The following GABRG3 variants were observed in gnomAD, a reference collection of about 807,000 sequenced individuals.
GABRG3 encodes the protein gamma-aminobutyric acid receptor subunit gamma-3.
In GABRG3, 25 loss-of-function variants were observed where a neutral mutation model predicts 48.8. The ratio of observed to expected loss-of-function variants is 0.51; its 90% CI spans 0.37 to 0.72. The LOEUF (loss-of-function observed/expected upper bound fraction) is 0.72, where lower values mean the gene tolerates loss of function less well. Ranked by LOEUF, GABRG3 falls within the 30% of genes least tolerant of loss-of-function variation. The pLI is 0.00. For synonymous variants in GABRG3, 227 were observed against 217.6 expected, an observed-to-expected ratio of 1.04 and a Z score of -0.38; for missense variants, 394 against 577.9, an observed-to-expected ratio of 0.68 and a Z score of 3.26.
rs778222775 is a variant in GABRG3, at chr15:27,132,471, G to GGTTTTTTTTTTTT, written c.270+105650_270+105651insGTTTTTTTTTTTT. 7.6e-5 allele frequency among the ~76,000 whole-genome samples: 3 copies of GGTTTTTTTTTTTT among 39,596 alleles called. 1 individual carries two copies. The highest frequency in any genetic ancestry group is 8.8e-5 in the African/African-American group (1 of 11,314). The allele number at this position is 39,596 out of a possible 152,430, so 26.0% of individuals were successfully genotyped here. Reference sequence around the variant, plus strand: ...TGATTCAATCTTCCCAGTAGTTACAGTTTTTTTTTTTTTTTTTTTTTTTTT... The same window carrying GGTTTTTTTTTTTT: ...TGATTCAATCTTCCCAGTAGTTACAGGTTTTTTTTTTTTTTTTTTTTTTTTTTTTTTTTTTTTT... On this transcript the variant is annotated intron_variant, in intron 3 of 9. Coordinates refer to ENST00000615808, the MANE Select transcript of GABRG3 (RefSeq NM_033223.5).
At chr15:27,345,338 C>T (rs933271329) in intron 5 of GABRG3, among the ~76,000 whole-genome samples, 3 of 152,134 alleles carry the variant, frequency 2.0e-5, no homozygotes, top group Non-Finnish European at 4.4e-5. Flanking sequence ...TCTCTCTTTG[C>T]ACATCAGTTG....
rs772731254 is a variant in GABRG3 at position 27,328,908 on chromosome 15, CG to C, written c.574+24del. The C allele has an allele frequency of 1.9e-6, 3 of 1,605,092 alleles. No individual in the cohort carries two copies. The highest frequency in any genetic ancestry group is 2.6e-6 in the Non-Finnish European group (3 of 1,171,966). On this transcript the variant is annotated intron_variant, in intron 5 of 9. Coordinates refer to ENST00000615808, the MANE Select transcript of GABRG3 (RefSeq NM_033223.5). ...CCAGCTGTGAGTACCAGTCCAAGCCCGGGGTGTGCATGCTGTGTGAGGGATG... is the reference window on the plus strand; with the variant it reads ...CCAGCTGTGAGTACCAGTCCAAGCCCGGGTGTGCATGCTGTGTGAGGGATG...
At chr15:26,987,363 T>C (rs1285382794) in intron 2 of GABRG3, among the ~76,000 whole-genome samples, 2 of 152,256 alleles carry the variant, frequency 1.3e-5, no homozygotes, top group East Asian at 1.9e-4. Context: ...TTGCCTTACA[T>C]TGAACTTTCA....
intron 4 of GABRG3, among the ~76,000 whole-genome samples, chr15:27,327,311 C>A (rs1893649355): frequency 6.6e-6 from 1 of 152,158 alleles, no homozygotes; most frequent in African/African-American, 2.4e-5. Flanking sequence ...GTCCTCTCCC[C>A]TAGGAAAATA....
chr15:27,136,679 A>C (rs897972645), intron 3 of GABRG3, among the ~76,000 whole-genome samples: 1 of 152,114 alleles, frequency 6.6e-6, no homozygotes, highest in African/African-American at 2.4e-5. Context: ...AAAAAATAGC[A>C]TTTCCCAATT....
At chr15:27,027,173 GTGCT>G (rs1290022085) in intron 3 of GABRG3, 1 of 190,790 alleles carries the variant, frequency 5.2e-6, no homozygotes, top group Non-Finnish European at 1.1e-5. Context: ...GATCAAATAT[GTGCT>G]TTCCCCGAGT....
At chr15:27,221,724 G>A (rs1344460863) in intron 3 of GABRG3, among the ~76,000 whole-genome samples, 1 of 152,064 alleles carries the variant, frequency 6.6e-6, no homozygotes, top group African/African-American at 2.4e-5. Context: ...AATTTCTCCT[G>A]TATTTGTCTG....
In GABRG3 at chr15:27,236,335, A is replaced by G. The variant is rs950913038; in HGVS notation, c.271-90474A>G. Among the ~76,000 whole-genome samples, 2 of 152,148 alleles carry G rather than the reference A, an allele frequency of 1.3e-5. No individual in the cohort carries two copies. Among genetic ancestry groups the G allele is most frequent in the Admixed American group, 1.3e-4 (2 of 15,276 alleles). On this transcript the variant is annotated intron_variant, in intron 3 of 9. Coordinates refer to ENST00000615808, the MANE Select transcript of GABRG3 (RefSeq NM_033223.5). The surrounding 1 kb of genome is among the most constrained non-coding windows in gnomAD (Gnocchi z 4.4). ...AGAGCTGAGCTTCTGAGAAATAAGC[A>G]TCAAATGCTAAGGTCCCCAGCCCAC...
chr15:27,259,517 C>G (rs917421653), intron 3 of GABRG3, among the ~76,000 whole-genome samples: 2 of 152,186 alleles, frequency 1.3e-5, no homozygotes, highest in African/African-American at 4.8e-5. Flanking sequence ...ACTTGAGATG[C>G]AAAGAAATCA....
At chr15:27,166,905 G>A (rs997984687) in intron 3 of GABRG3, among the ~76,000 whole-genome samples, 34 of 152,072 alleles carry the variant, frequency 2.2e-4, no homozygotes, top group African/African-American at 6.3e-4. Context: ...TGTCACCTCC[G>A]AGGACTTCAT....
At chr15:27,268,129 ATATT>A (rs1446290539) in intron 3 of GABRG3, among the ~76,000 whole-genome samples, 1 of 152,052 alleles carries the variant, frequency 6.6e-6, no homozygotes, top group East Asian at 1.9e-4. Flanking sequence ...TTTTTTACTG[ATATT>A]GTTAGTACAT....
chr15:27,009,838 ACTT>A (rs895203136), intron 2 of GABRG3, among the ~76,000 whole-genome samples: 1 of 151,748 alleles, frequency 6.6e-6, no homozygotes, highest in African/African-American at 2.4e-5. Flanking sequence ...TCCTCAGGCA[ACTT>A]CTTCTTCCTC....
At chr15:27,163,545 T>C (rs1294165547) in intron 3 of GABRG3, among the ~76,000 whole-genome samples, 1 of 151,984 alleles carries the variant, frequency 6.6e-6, no homozygotes. Flanking sequence ...AAATAGGTAA[T>C]AGGCCGAGAC....
chr15:27,482,303 G>A (rs1037462697), intron 6 of GABRG3, among the ~76,000 whole-genome samples: 3 of 152,086 alleles, frequency 2.0e-5, no homozygotes, highest in Admixed American at 1.3e-4. Flanking sequence ...CATTTCATAC[G>A]CTCGGGACGG....
rs1417312778 is a variant in GABRG3 at position 27,540,405 on chromosome 15, G to A, written c.*7524G>A. On this transcript the variant is annotated 3_prime_UTR_variant, in exon 10 of 10. Transcript: ENST00000615808. ...ACTGCAAATTTTGTGAGCTCAAAAA[G>A]ACAATCACTGTGCTTCTTATCATCT... 6.6e-6 allele frequency: 1 copy of A among 152,116 alleles called. No individual in the cohort carries two copies. The highest frequency in any genetic ancestry group is 1.9e-4 in the East Asian group (1 of 5,188). 9.4% of individuals were successfully genotyped at this position (152,116 alleles called of 1,614,324 possible).
intron 3 of GABRG3, among the ~76,000 whole-genome samples, chr15:27,216,740 T>TTTTA (rs1555410274): frequency 1.6e-5 from 2 of 127,184 alleles, no homozygotes; most frequent in Middle Eastern, 3.7e-3. Context: ...TTTCTTTTTT[T>TTTTA]TTTTTTATTT....
chr15:27,191,492 C>T (rs1313602406), intron 3 of GABRG3, among the ~76,000 whole-genome samples: 1 of 152,162 alleles, frequency 6.6e-6, no homozygotes, highest in Non-Finnish European at 1.5e-5. Flanking sequence ...CCTTCTTTGT[C>T]TCTTTTGATC....
intron 3 of GABRG3, among the ~76,000 whole-genome samples, chr15:27,148,793 C>T (rs753874952): frequency 1.1e-4 from 16 of 152,020 alleles, no homozygotes; most frequent in Middle Eastern, 3.4e-3. Flanking sequence ...GACAAAATTA[C>T]GCATTCTTCC....
chr15:27,029,980 G>A (rs1334327637), intron 3 of GABRG3, among the ~76,000 whole-genome samples: 4 of 152,168 alleles, frequency 2.6e-5, no homozygotes, highest in African/African-American at 7.2e-5. Context: ...TTTAAAAGAA[G>A]TAAAGGGCTT....
Sources: gnomAD v4.1 joint callset for allele counts (sites outside exome capture counted in the v4.1 genomes callset) on GRCh38, gnomAD v4.1.1 for gene constraint, Gnocchi (gnomAD v3.1) non-coding constraint, MANE v1.5 for transcripts, NCBI Gene and HGNC (gene_info 2026-07-23, HGNC 2026-07-21) for gene names.